FYCO1: variants seen among roughly 807,000 people sequenced by gnomAD.
FYCO1 encodes the protein FYVE and coiled-coil domain-containing protein 1.
A neutral mutation model predicts 165.1 loss-of-function variants in FYCO1; 122 were observed. The observed-to-expected ratio is 0.74, with a 90% CI of 0.64 to 0.86. The LOEUF (loss-of-function observed/expected upper bound fraction) is 0.86. FYCO1 is among the 40% of genes least tolerant of loss of function. FYCO1 has a pLI of 0.00. For missense variants in FYCO1, 1,702 were observed against 1,810.3 expected, an observed-to-expected ratio of 0.94 and a Z score of 1.09; for synonymous variants, 648 against 742.5, an observed-to-expected ratio of 0.87 and a Z score of 2.07.
At chr3:45,987,514 T>C (rs1707367654) in intron 1 of FYCO1, among the ~76,000 whole-genome samples, 1 of 152,192 alleles carries the variant, frequency 6.6e-6, no homozygotes, top group African/African-American at 2.4e-5. Context: ...AGGCAGTCAC[T>C]GGAGAGAGCC....
chr3:45,928,572 C>A (rs1703433598), intron 16 of FYCO1, among the ~76,000 whole-genome samples: 1 of 152,162 alleles, frequency 6.6e-6, no homozygotes, highest in Non-Finnish European at 1.5e-5. Context: ...CTGACAGGTG[C>A]CCCTAGAAAC....
intron 11 of FYCO1, among the ~76,000 whole-genome samples, chr3:45,961,481 G>A (rs1705694473): frequency 6.6e-6 from 1 of 151,938 alleles, no homozygotes; most frequent in Admixed American, 6.6e-5. Flanking sequence ...GGGTGGCTGA[G>A]GCACAAGAAT....
In FYCO1 at chr3:45,968,680, A is replaced by T. The variant is rs1266460205; in HGVS notation, c.654T>A (p.Phe218Leu). The change falls in exon 8 of 18, where the codon TTT becomes TTA. Residue 218 changes from phenylalanine to leucine, a missense_variant. Phe to Leu is a conservative substitution (Grantham distance 22). Transcript: ENST00000296137. The stretch of plus-strand genomic sequence containing the variant: ...CGTTGTTTAGGGGGCTGTTCAGGTC[A>T]AAGTTGGACACCATCTCTTGAGTCT... ...YLQTQEMVSN[F>L]DLNSPLNNEA... 1 of 1,614,228 alleles carries T rather than the reference A, an allele frequency of 6.2e-7. No individual in the cohort carries two copies. The highest frequency in any genetic ancestry group is 2.2e-5 in the East Asian group (1 of 44,890).
Position 45,926,771 on chromosome 3 carries a change from C to T in FYCO1, c.4252-3006G>A, listed in dbSNP as rs185501738. Among the ~76,000 whole-genome samples the T allele has an allele frequency of 7.7e-4, 118 of 152,310 alleles. 2 individuals are homozygous for T. The East Asian group carries it at 0.022, about 28-fold the overall frequency. On this transcript the variant is annotated intron_variant, in intron 16 of 17. Transcript: ENST00000296137. ...CCTGAGGTCAGGAGTTCAAAACCAA[C>T]CTGGCCAACATAGCAAAACCCCATC...
At position 45,967,439 on chromosome 3, in the gene FYCO1, T is replaced by A. The variant is rs750671207; in HGVS notation, c.1895A>T (p.Asn632Ile). 5 of 1,613,424 alleles carry A rather than the reference T, an allele frequency of 3.1e-6. No individual in the cohort carries two copies. The African/African-American group carries it at 5.3e-5, about 17-fold the overall frequency. ...TTGCAGCTTGCCCTCCAGGAGCTGG[T>A]TACGCCCGACCACATTCTGTAGCTC... ...EKELQNVVGR[N>I]QLLEGKLQAL... The change falls in exon 8 of 18, where the codon AAC becomes ATC. Residue 632 changes from asparagine to isoleucine, a missense_variant. By Grantham distance (149) the Asn-to-Ile change is moderately radical (BLOSUM62 -3). Coordinates refer to ENST00000296137, the MANE Select transcript of FYCO1 (RefSeq NM_024513.4).
chr3:45,938,494 G>A (rs1374123320), intron 14 of FYCO1, among the ~76,000 whole-genome samples: 1 of 152,164 alleles, frequency 6.6e-6, no homozygotes, highest in African/African-American at 2.4e-5. Flanking sequence ...GGGGTTTTTT[G>A]TTGTTGTTGT....
intron 17 of FYCO1, among the ~76,000 whole-genome samples, 165 bp from the exon 18 acceptor site, chr3:45,922,005 G>A (rs7618618): frequency 6.6e-6 from 1 of 152,044 alleles, no homozygotes; most frequent in African/African-American, 2.4e-5. Context: ...TCTCTCCCTG[G>A]GAGGGTCAGA....
intron 15 of FYCO1, among the ~76,000 whole-genome samples, chr3:45,935,174 G>A (rs1308550524): frequency 6.6e-6 from 1 of 152,138 alleles, no homozygotes; most frequent in African/African-American, 2.4e-5. Context: ...ATTTGCCCTG[G>A]TCTCTGCCCT....
chr3:45,921,360 A>G lies in FYCO1; in HGVS notation c.*405T>C, dbSNP rs1284439614. The G allele has an allele frequency of 3.1e-6, 1 of 320,756 alleles. No homozygotes were observed. Among genetic ancestry groups the G allele is most frequent in the Admixed American group, 4.4e-5 (1 of 22,632 alleles). The allele number at this position is 320,756 out of a possible 1,614,324, so 19.9% of individuals were successfully genotyped here. On this transcript the variant is annotated 3_prime_UTR_variant, in exon 18 of 18. Transcript: ENST00000296137. ...GCACCCAGCTCAGTCTCCAACATGC[A>G]GGGCCCTGGTGGGGCAGGGCAGAAA...
chr3:45,946,797 C>T lies in FYCO1; in HGVS notation c.3944+8452G>A, dbSNP rs1704640894. On this transcript the variant is annotated intron_variant, in intron 14 of 17. Transcript: ENST00000296137. Reference sequence around the variant, plus strand: ...TGGCCAGGTCATGTGCAAGAGCCTACTGGGCATCTACACTATTAACTTCTA... The same window carrying T: ...TGGCCAGGTCATGTGCAAGAGCCTATTGGGCATCTACACTATTAACTTCTA... The T allele has an allele frequency of 1.9e-6, 3 of 1,613,654 alleles. No individual in the cohort carries two copies. The African/African-American group carries it at 4.0e-5, about 22-fold the overall frequency.
At chr3:45,982,436 G>A (rs943468291) in intron 2 of FYCO1, among the ~76,000 whole-genome samples, 1 of 152,132 alleles carries the variant, frequency 6.6e-6, no homozygotes, top group Non-Finnish European at 1.5e-5. Flanking sequence ...CAGCAGAGCT[G>A]GAATAAGAAC....
At chr3:45,942,508 G>T (rs1704289613) in intron 14 of FYCO1, among the ~76,000 whole-genome samples, 1 of 152,170 alleles carries the variant, frequency 6.6e-6, no homozygotes, top group African/African-American at 2.4e-5. Context: ...CTGAATGGGA[G>T]TGCAGAGCCA....
At chr3:45,973,311 C>T in intron 5 of FYCO1, 80 bp from the exon 6 acceptor site, 2 of 1,382,118 alleles carry the variant, frequency 1.4e-6, no homozygotes, top group Non-Finnish European at 2.0e-6. Context: ...GGCTCTGCCT[C>T]ATCGAATTCC....
chr3:45,974,811 C>A (rs1198901071), intron 5 of FYCO1, among the ~76,000 whole-genome samples: 4 of 24,126 alleles, frequency 1.7e-4, no homozygotes, highest in African/African-American at 2.7e-4. Context: ...GGCTACCCAC[C>A]AGTCTCCAGT....
chr3:45,992,615 T>C (rs1400042712), intron 1 of FYCO1, among the ~76,000 whole-genome samples: 1 of 152,238 alleles, frequency 6.6e-6, no homozygotes, highest in African/African-American at 2.4e-5. Context: ...GACCTCTTCC[T>C]ACCTTTCTTT....
At chr3:45,975,104 A>T in intron 5 of FYCO1, 135 bp downstream of exon 5, 2 of 752,436 alleles carry the variant, frequency 2.7e-6, no homozygotes, top group Non-Finnish European at 4.9e-6. Flanking sequence ...GAAGACAATG[A>T]TATATGTGGA....
chr3:45,934,908 A>G (rs1703813633), intron 15 of FYCO1, among the ~76,000 whole-genome samples: 1 of 152,184 alleles, frequency 6.6e-6, no homozygotes, highest in African/African-American at 2.4e-5. Flanking sequence ...GCAATTCTTG[A>G]ACTTTTGGTA....
At chr3:45,972,594 T>C (rs1559463183) in intron 6 of FYCO1, among the ~76,000 whole-genome samples, 1 of 152,230 alleles carries the variant, frequency 6.6e-6, no homozygotes, top group African/African-American at 2.4e-5. Flanking sequence ...GTAAGGACTC[T>C]GGTGGTATGT....
At chr3:45,975,974 T>C (rs1163847521) in intron 4 of FYCO1, among the ~76,000 whole-genome samples, 1 of 152,234 alleles carries the variant, frequency 6.6e-6, no homozygotes, top group South Asian at 2.1e-4. Context: ...CAGTAAAATC[T>C]ACAAGTCTGC....
Sources: gnomAD v4.1 joint callset for allele counts (sites outside exome capture counted in the v4.1 genomes callset) on GRCh38, gnomAD v4.1.1 for gene constraint, MANE v1.5 for transcripts, NCBI Gene and HGNC (gene_info 2026-07-23, HGNC 2026-07-21) for gene names.